PTPRE: variants seen among roughly 807,000 people sequenced by gnomAD.
PTPRE encodes protein tyrosine phosphatase receptor type E, also known as receptor-type tyrosine-protein phosphatase epsilon.
In PTPRE, 51 loss-of-function variants were observed where a neutral mutation model predicts 102.0. That is an observed-to-expected ratio of 0.50 (90% confidence interval 0.40 to 0.63). The LOEUF (loss-of-function observed/expected upper bound fraction) is 0.63, where lower values mean the gene tolerates loss of function less well. Ranked by LOEUF, PTPRE falls within the 30% of genes least tolerant of loss-of-function variation. The probability of loss-of-function intolerance (pLI) is 0.00; values close to 1 mark genes in which losing one functional copy is unlikely to be tolerated. For synonymous variants in PTPRE, 345 were observed against 348.2 expected, an observed-to-expected ratio of 0.99 and a Z score of 0.10; for missense variants, 752 against 915.1, an observed-to-expected ratio of 0.82 and a Z score of 2.30.
At chr10:127,960,537 C>T (rs577186749) in intron 1 of PTPRE, among the ~76,000 whole-genome samples, 8 of 152,156 alleles carry the variant, frequency 5.3e-5, no homozygotes, top group African/African-American at 7.2e-5. Flanking sequence ...CCGGTCTGAC[C>T]GTTCCCTGCA....
At position 127,969,689 on chromosome 10, in the gene PTPRE, C is replaced by CGG. The variant is rs66461041; in HGVS notation, c.-30-12580_-30-12579dup. ...CTAAAAAGAAAAAAAAAAAGGGGGG[C>CGG]GGGGGGATGATGCAGACATGAGCTT... On this transcript the variant is annotated intron_variant, in intron 1 of 20. Coordinates refer to ENST00000254667, the MANE Select transcript of PTPRE (RefSeq NM_006504.6). Among the ~76,000 whole-genome samples, 50 of 136,862 alleles carry CGG rather than the reference C, an allele frequency of 3.7e-4. 1 individual carries two copies. The South Asian group carries it at 0.01, about 29-fold the overall frequency. 89.8% of individuals were successfully genotyped at this position (136,862 alleles called of 152,430 possible).
chr10:127,955,530 A>G (rs1849342608), intron 1 of PTPRE, among the ~76,000 whole-genome samples: 1 of 152,058 alleles, frequency 6.6e-6, no homozygotes, highest in Non-Finnish European at 1.5e-5. Context: ...AAAGATCTTT[A>G]TTTTCATTCC....
chr10:127,987,319 C>A, intron 2 of PTPRE: 1 of 1,262,302 alleles, frequency 7.9e-7, no homozygotes, highest in Non-Finnish European at 1.0e-6. Flanking sequence ...TTCTAGAAAT[C>A]CTTTCTCAGC....
intron 9 of PTPRE, chr10:128,062,817 C>G (rs1849724659): frequency 7.9e-6 from 4 of 504,514 alleles, no homozygotes; most frequent in African/African-American, 1.9e-5. Flanking sequence ...CTCATCTGAA[C>G]CCTGCTTCTT....
chr10:127,985,377 G>C (rs1276523303), intron 2 of PTPRE, among the ~76,000 whole-genome samples: 1 of 152,256 alleles, frequency 6.6e-6, no homozygotes, highest in Non-Finnish European at 1.5e-5. Flanking sequence ...GAGATCAGGA[G>C]TTCAAGACCA....
At chr10:128,064,383 T>C (rs1849878178) in intron 10 of PTPRE, among the ~76,000 whole-genome samples, 2 of 152,232 alleles carry the variant, frequency 1.3e-5, no homozygotes, top group African/African-American at 4.8e-5. Flanking sequence ...GCCCTTGTCA[T>C]GCTTTGTCAT....
At chr10:127,955,431 T>C (rs1849335237) in intron 1 of PTPRE, among the ~76,000 whole-genome samples, 1 of 152,234 alleles carries the variant, frequency 6.6e-6, no homozygotes, top group African/African-American at 2.4e-5. Context: ...GCTATGCCCA[T>C]GTAACCAGTT....
chr10:127,961,133 G>A lies in PTPRE; in HGVS notation c.-30-21141G>A, dbSNP rs187968093. ...CTTCTCTGGGCAGAGCCGGGGCTTT[G>A]CGAGGGGTCTTTCTCAGCCACACGT... On this transcript the variant is annotated intron_variant, in intron 1 of 20. Coordinates refer to ENST00000254667, the MANE Select transcript of PTPRE (RefSeq NM_006504.6). 2.5e-3 allele frequency among the ~76,000 whole-genome samples: 376 copies of A among 152,260 alleles called. 3 individuals carry two copies. Among genetic ancestry groups the A allele is most frequent in the African/African-American group, 7.8e-3 (325 of 41,552 alleles).
At chr10:128,003,043 G>A (rs974153505) in intron 2 of PTPRE, among the ~76,000 whole-genome samples, 1 of 152,138 alleles carries the variant, frequency 6.6e-6, no homozygotes, top group African/African-American at 2.4e-5. Context: ...CTGCAGATAT[G>A]CATGCACAGA....
chr10:127,974,225 T>A (rs894546722), intron 1 of PTPRE, among the ~76,000 whole-genome samples: 1 of 152,358 alleles, frequency 6.6e-6, no homozygotes, highest in East Asian at 1.9e-4. Context: ...CCAGGCCTTA[T>A]ACTGAGTTCT....
chr10:127,938,579 G>A (rs534331952), intron 1 of PTPRE, among the ~76,000 whole-genome samples: 1 of 152,138 alleles, frequency 6.6e-6, no homozygotes, highest in African/African-American at 2.4e-5. Context: ...AACAAAAATT[G>A]ACTTTTTTTA....
chr10:127,968,495 T>A (rs367565898), intron 1 of PTPRE, among the ~76,000 whole-genome samples: 1 of 152,216 alleles, frequency 6.6e-6, no homozygotes, highest in African/African-American at 2.4e-5. Flanking sequence ...CTGGGAGCAG[T>A]CAGCCAGAGC....
At chr10:128,065,104 C>CCG (rs1849954565) in intron 10 of PTPRE, among the ~76,000 whole-genome samples, 10 of 150,376 alleles carry the variant, frequency 6.7e-5, no homozygotes, top group African/African-American at 1.7e-4. Context: ...GGCCTGTGAC[C>CCG]CACAGCCCCG....
chr10:127,987,843 GC>G (rs1852226083), intron 2 of PTPRE, among the ~76,000 whole-genome samples: 1 of 152,224 alleles, frequency 6.6e-6, no homozygotes, highest in Non-Finnish European at 1.5e-5. Context: ...ATTTGAAGTG[GC>G]ATTTTAATTA....
intron 1 of PTPRE, among the ~76,000 whole-genome samples, chr10:127,952,092 C>A (rs1424126513): frequency 1.3e-5 from 2 of 152,202 alleles, no homozygotes; most frequent in African/African-American, 4.8e-5. Context: ...CACTCTCCCA[C>A]CTCAGGGGTA....
chr10:128,067,359 CA>C (rs1183887011), intron 11 of PTPRE, among the ~76,000 whole-genome samples: 1 of 151,340 alleles, frequency 6.6e-6, no homozygotes, highest in African/African-American at 2.4e-5. Flanking sequence ...CACACACGCA[CA>C]CGTGCACACA....
At chr10:127,936,660 T>A (rs1056630656) in intron 1 of PTPRE, among the ~76,000 whole-genome samples, 11 of 152,102 alleles carry the variant, frequency 7.2e-5, no homozygotes, top group African/African-American at 2.4e-4. Flanking sequence ...CCCCTTGCAG[T>A]AATCCCATAA....
At chr10:128,047,325 A>G in intron 3 of PTPRE, 65 bp from the exon 4 acceptor site, 1 of 1,566,360 alleles carries the variant, frequency 6.4e-7, no homozygotes. Flanking sequence ...GGGCTTATGG[A>G]GGGAGACTCT....
intron 16 of PTPRE, 77 bp from the exon 17 acceptor site, chr10:128,073,260 G>T: frequency 6.3e-7 from 1 of 1,583,434 alleles, no homozygotes; most frequent in Non-Finnish European, 8.6e-7. Context: ...GCCTTAGGCT[G>T]TCCTAAACTT....
Sources: gnomAD v4.1 joint callset for allele counts (sites outside exome capture counted in the v4.1 genomes callset) on GRCh38, gnomAD v4.1.1 for gene constraint, MANE v1.5 for transcripts, NCBI Gene and HGNC (gene_info 2026-07-23, HGNC 2026-07-21) for gene names.